Variants in CDK19 observed in about 807,000 individuals in gnomAD.
CDK19 encodes cyclin dependent kinase 19.
CDK19 carries 20 observed loss-of-function variants against 68.3 expected under a neutral mutation model. That is an observed-to-expected ratio of 0.29 (90% CI 0.21 to 0.43). The LOEUF is 0.43. Ranked by LOEUF, CDK19 falls within the 20% of genes least tolerant of loss-of-function variation. The probability of loss-of-function intolerance (pLI) is 1.00; values close to 1 mark genes in which losing one functional copy is unlikely to be tolerated. For missense variants in CDK19, 339 were observed against 623.5 expected, an observed-to-expected ratio of 0.54 and a Z score of 4.86; for synonymous variants, 221 against 222.8, an observed-to-expected ratio of 0.99 and a Z score of 0.07.
chr6:110,651,763 A>G (rs1780986957), intron 4 of CDK19, among the ~76,000 whole-genome samples: 1 of 152,220 alleles, frequency 6.6e-6, no homozygotes, highest in Admixed American at 6.5e-5. Flanking sequence ...TGTTTGAATA[A>G]TATCAAAACA....
chr6:110,813,778 C>T (rs1783319059), intron 1 of CDK19: 1 of 152,190 alleles, frequency 6.6e-6, no homozygotes, highest in Admixed American at 6.5e-5. Flanking sequence ...AGTTCATATA[C>T]CAACCACATC....
intron 1 of CDK19, among the ~76,000 whole-genome samples, chr6:110,759,241 A>C (rs1270670038): frequency 6.7e-6 from 1 of 148,796 alleles, no homozygotes; most frequent in African/African-American, 2.5e-5. Flanking sequence ...TCTACTAAAA[A>C]TACAAAAAAA....
At chr6:110,721,356 T>A (rs895827797) in intron 2 of CDK19, among the ~76,000 whole-genome samples, 1 of 152,242 alleles carries the variant, frequency 6.6e-6, no homozygotes, top group Non-Finnish European at 1.5e-5. Context: ...GGCCTTCATT[T>A]TTCCCCTGCA....
intron 2 of CDK19, among the ~76,000 whole-genome samples, chr6:110,696,989 G>A (rs980674220): frequency 4.1e-4 from 63 of 152,048 alleles, no homozygotes; most frequent in Non-Finnish European, 5.3e-4. Flanking sequence ...AATCCAGGAG[G>A]TGGAGGTTGC....
intron 4 of CDK19, among the ~76,000 whole-genome samples, chr6:110,640,716 C>T (rs62420292): frequency 0.092 from 14,020 of 152,060 alleles, 778 homozygotes; most frequent in Admixed American, 0.13. Context: ...TTTGGGAAGT[C>T]GAAGCAGGAG....
In CDK19 at chr6:110,756,216, C is replaced by A. The variant is rs548076584; in HGVS notation, c.129-10015G>T. ...ACCAGCCTGGCCAACATAGTGAAAC[C>A]CTGTCTCTACTAAAAATACAAAAAT... On this transcript the variant is annotated intron_variant, in intron 1 of 12. Coordinates refer to ENST00000368911, the MANE Select transcript of CDK19 (RefSeq NM_015076.5). Among the ~76,000 whole-genome samples, 4 of 152,106 alleles carry A rather than the reference C, an allele frequency of 2.6e-5. No individual in the cohort carries two copies. In the East Asian group the frequency reaches 5.8e-4, roughly 22 times the overall value.
At chr6:110,696,335 A>C (rs1489868971) in intron 2 of CDK19, among the ~76,000 whole-genome samples, 1 of 152,226 alleles carries the variant, frequency 6.6e-6, no homozygotes, top group East Asian at 1.9e-4. Flanking sequence ...ATCAGCATAG[A>C]AGGAACATAG....
At chr6:110,788,002 G>A (rs1781351525) in intron 1 of CDK19, among the ~76,000 whole-genome samples, 1 of 151,978 alleles carries the variant, frequency 6.6e-6, no homozygotes, top group Non-Finnish European at 1.5e-5. Context: ...ACCATACCTG[G>A]CTAATTTTTG....
chr6:110,691,345 G>A (rs917058751), intron 2 of CDK19, among the ~76,000 whole-genome samples: 1 of 151,936 alleles, frequency 6.6e-6, no homozygotes, highest in South Asian at 2.1e-4. Context: ...GTGGTGGCAG[G>A]CACTTGTAAT....
At chr6:110,663,894 T>G (rs896518416) in intron 4 of CDK19, among the ~76,000 whole-genome samples, 14 of 152,288 alleles carry the variant, frequency 9.2e-5, no homozygotes, top group African/African-American at 3.1e-4. Flanking sequence ...TCAGTAAATG[T>G]GTGGGTAAAA....
At chr6:110,775,399 A>G (rs1230292710) in intron 1 of CDK19, among the ~76,000 whole-genome samples, 9 of 152,224 alleles carry the variant, frequency 5.9e-5, no homozygotes, top group Admixed American at 5.9e-4. Context: ...ACAGACCTAG[A>G]AGAGGACAAC....
chr6:110,796,917 C>T (rs934174949), intron 1 of CDK19, among the ~76,000 whole-genome samples: 3 of 144,690 alleles, frequency 2.1e-5, no homozygotes, highest in South Asian at 2.2e-4. Flanking sequence ...GACTGAGGCA[C>T]GAGAATTGCT....
chr6:110,808,579 AT>A (rs1433407227), intron 1 of CDK19, among the ~76,000 whole-genome samples: 7 of 152,204 alleles, frequency 4.6e-5, no homozygotes, highest in African/African-American at 1.7e-4. Context: ...AGATTATCAA[AT>A]TTCATTGAAA....
intron 5 of CDK19, among the ~76,000 whole-genome samples, chr6:110,637,350 A>T (rs1779846030): frequency 6.6e-6 from 1 of 152,204 alleles, no homozygotes; most frequent in Admixed American, 6.5e-5. Flanking sequence ...GAGGGAAGAG[A>T]AGGAAAGCTA....
chr6:110,743,365 A>C (rs1334905198), intron 2 of CDK19, among the ~76,000 whole-genome samples: 1 of 152,172 alleles, frequency 6.6e-6, no homozygotes, highest in Non-Finnish European at 1.5e-5. Flanking sequence ...GCTATGGCTG[A>C]GAGTGGTGAC....
At chr6:110,796,835 C>A (rs551017739) in intron 1 of CDK19, among the ~76,000 whole-genome samples, 1 of 150,234 alleles carries the variant, frequency 6.7e-6, no homozygotes, top group South Asian at 2.1e-4. Flanking sequence ...TGGTGAAATC[C>A]CGTCTCTACG....
At chr6:110,771,664 C>A (rs1780022077) in intron 1 of CDK19, among the ~76,000 whole-genome samples, 1 of 152,182 alleles carries the variant, frequency 6.6e-6, no homozygotes, top group Admixed American at 6.5e-5. Context: ...TTTTTCTTTT[C>A]CATAACATTG....
intron 1 of CDK19, among the ~76,000 whole-genome samples, chr6:110,802,270 T>C (rs802683): frequency 0.041 from 6,232 of 152,266 alleles, 217 homozygotes; most frequent in Non-Finnish European, 0.054. Flanking sequence ...ACAAAAGTCA[T>C]GGAATCCTCC....
chr6:110,808,938 G>A (rs1039646028), intron 1 of CDK19, among the ~76,000 whole-genome samples: 1 of 151,956 alleles, frequency 6.6e-6, no homozygotes, highest in Non-Finnish European at 1.5e-5. Context: ...CAGGCGTGGT[G>A]GCTCACACTT....
Sources: allele counts gnomAD v4.1 joint callset (sites outside exome capture counted in the v4.1 genomes callset), GRCh38; gene constraint gnomAD v4.1.1; transcripts MANE v1.5; gene names NCBI Gene and HGNC (gene_info 2026-07-23, HGNC 2026-07-21).